Variants in PCSK5 observed in about 807,000 individuals in gnomAD.
PCSK5 encodes prohormone convertase 5.
Under a neutral mutation model 233.2 loss-of-function variants are expected in PCSK5, and 129 were observed. The ratio of observed to expected loss-of-function variants is 0.55; its 90% CI spans 0.48 to 0.64. The LOEUF (loss-of-function observed/expected upper bound fraction) is 0.64, where lower values mean the gene tolerates loss of function less well. PCSK5 is among the 30% of genes least tolerant of loss of function. The pLI is 0.00. For synonymous variants in PCSK5, 825 were observed against 879.2 expected, an observed-to-expected ratio of 0.94 and a Z score of 1.09; for missense variants, 2,076 against 2,430.1, an observed-to-expected ratio of 0.85 and a Z score of 3.06.
rs117150323 is a variant in PCSK5, at chr9:76,283,992, C to A, written c.3143-8241C>A. Among the ~76,000 whole-genome samples, 6 of 152,200 alleles carry A rather than the reference C, an allele frequency of 3.9e-5. No homozygotes were observed. In the South Asian group the frequency reaches 6.2e-4, roughly 16 times the overall value. On this transcript the variant is annotated intron_variant, in intron 24 of 37. Transcript: ENST00000674117. Reference sequence around the variant, plus strand: ...TCTTCTGGTTACAATCTTAAGGAACCAAACTCAACATGTTTTGACAAGGTT... The same window carrying A: ...TCTTCTGGTTACAATCTTAAGGAACAAAACTCAACATGTTTTGACAAGGTT...
chr9:76,095,206 TG>T (rs1305112159), intron 7 of PCSK5, among the ~76,000 whole-genome samples: 1 of 152,212 alleles, frequency 6.6e-6, no homozygotes, highest in Non-Finnish European at 1.5e-5. Context: ...CAGTAATTAG[TG>T]TCTACACCAC....
rs201921365 is a variant in PCSK5, at chr9:76,120,553, ATTTG to A, written c.1208+13210_1208+13213del. Among the ~76,000 whole-genome samples the A allele has an allele frequency of 7.9e-5, 12 of 151,984 alleles. No homozygotes were observed. In the East Asian group the frequency reaches 1.9e-3, roughly 24 times the overall value. On this transcript the variant is annotated intron_variant, in intron 9 of 37. Transcript: ENST00000674117. ...AGACTTATTTTTTGGAGTAGCAAGTATTTGTTTGTTTTGCTATTACCATTATGTC... is the reference window on the plus strand; with the variant it reads ...AGACTTATTTTTTGGAGTAGCAAGTATTTGTTTTGCTATTACCATTATGTC...
Position 76,189,642 on chromosome 9 carries a change from G to GTTGT in PCSK5, c.2526_2529dup (p.Thr844PhefsTer16). On this transcript the variant is annotated frameshift_variant, in exon 20 of 38. Coordinates refer to ENST00000674117, the MANE Select transcript of PCSK5 (RefSeq NM_001372043.1). LOFTEE classifies it high-confidence loss of function. ...CATTTTTCTCATAGATGTGATATCA[G>GTTGT]TTGTTTGACGTGCAATGGCCCAGGA... The GTTGT allele has an allele frequency of 1.2e-6, 2 of 1,607,940 alleles. No individual in the cohort carries two copies. Among genetic ancestry groups the GTTGT allele is most frequent in the Non-Finnish European group, 1.7e-6 (2 of 1,174,488 alleles).
intron 8 of PCSK5, among the ~76,000 whole-genome samples, chr9:76,106,152 G>A (rs1473643363): frequency 6.6e-6 from 1 of 152,138 alleles, no homozygotes; most frequent in Non-Finnish European, 1.5e-5. Flanking sequence ...TTTCATGACC[G>A]TTTTCCTATC....
chr9:76,086,535 C>T (rs4113091), intron 7 of PCSK5, among the ~76,000 whole-genome samples: 2,080 of 152,126 alleles, frequency 0.014, 16 homozygotes, highest in Non-Finnish European at 0.022. Context: ...GAATTGACAT[C>T]GAGGGACTAT....
intron 2 of PCSK5, among the ~76,000 whole-genome samples, chr9:75,957,800 G>C (rs147670152): frequency 1.6e-4 from 25 of 152,236 alleles, no homozygotes; most frequent in Non-Finnish European, 2.2e-4. Flanking sequence ...TGTTAGTCAA[G>C]AAGAAAAAAT....
chr9:76,163,914 T>G (rs1366499793), intron 12 of PCSK5, among the ~76,000 whole-genome samples: 1 of 150,346 alleles, frequency 6.7e-6, no homozygotes, highest in Non-Finnish European at 1.5e-5. Context: ...AGATTTAGCT[T>G]AGATGTACTG....
intron 2 of PCSK5, among the ~76,000 whole-genome samples, chr9:75,978,698 T>C (rs1210077296): frequency 6.6e-6 from 1 of 152,280 alleles, no homozygotes; most frequent in Non-Finnish European, 1.5e-5. Flanking sequence ...TTAAATTGTT[T>C]AGCAAGATTC....
chr9:75,905,213 T>C (rs1826209782), intron 1 of PCSK5, among the ~76,000 whole-genome samples: 1 of 152,132 alleles, frequency 6.6e-6, no homozygotes, highest in Non-Finnish European at 1.5e-5. Flanking sequence ...TGAAATGTTC[T>C]AAAATAGATT....
chr9:75,956,045 C>G (rs1387368981), intron 2 of PCSK5, among the ~76,000 whole-genome samples: 1 of 152,212 alleles, frequency 6.6e-6, no homozygotes, highest in Non-Finnish European at 1.5e-5. Flanking sequence ...AGGCTGTACT[C>G]TTGTAACCAC....
Position 76,310,733 on chromosome 9 carries a change from G to A in PCSK5, c.3766G>A (p.Glu1256Lys), listed in dbSNP as rs763087625. 2.9e-5 allele frequency: 47 copies of A among 1,612,242 alleles called. No homozygotes were observed. The highest frequency in any genetic ancestry group is 2.7e-4 in the African/African-American group (20 of 75,006). The change falls in exon 30 of 38, where the codon GAG (glutamate) becomes AAG (lysine). Residue 1256 changes from glutamate to lysine, a missense_variant. Glu to Lys is a moderately conservative substitution (Grantham distance 56). Transcript: ENST00000674117. The stretch of plus-strand genomic sequence containing the variant: ...GCCTTCCGTAAGGAGTGGGAGCTGC[G>A]AGAACTGTACGGAGGCCTGTGCCAT... ...TWPSVRSGSC[E>K]NCTEACAICS...
At chr9:76,199,271 T>C (rs77376110) in intron 20 of PCSK5, among the ~76,000 whole-genome samples, 245 of 152,334 alleles carry the variant, frequency 1.6e-3, no homozygotes, top group African/African-American at 5.7e-3. Flanking sequence ...GTTACCGTAC[T>C]GAATACTGCA....
intron 27 of PCSK5, among the ~76,000 whole-genome samples, chr9:76,299,612 C>A (rs1252533464): frequency 6.6e-6 from 1 of 152,158 alleles, no homozygotes; most frequent in Non-Finnish European, 1.5e-5. Flanking sequence ...GCAGAGGTTG[C>A]AGTGAGCTGA....
chr9:76,142,853 C>T lies in PCSK5; in HGVS notation c.1312+8641C>T, dbSNP rs1026238641. ...TTCTCTTCTTTGTAGTCTGTTTTCTCTAATTTGGGCTATTGTTTTCATTTC... is the reference window on the plus strand; with the variant it reads ...TTCTCTTCTTTGTAGTCTGTTTTCTTTAATTTGGGCTATTGTTTTCATTTC... On this transcript the variant is annotated intron_variant, in intron 10 of 37. Transcript: ENST00000674117. Among the ~76,000 whole-genome samples the T allele has an allele frequency of 3.3e-5, 5 of 152,222 alleles. No individual in the cohort carries two copies. In the East Asian group the frequency reaches 5.8e-4, roughly 18 times the overall value.
chr9:75,900,219 C>G (rs1825967747), intron 1 of PCSK5, among the ~76,000 whole-genome samples: 2 of 152,104 alleles, frequency 1.3e-5, no homozygotes, highest in African/African-American at 4.8e-5. Flanking sequence ...CTGGAGGACC[C>G]TAGATAAGTG....
At chr9:76,133,626 A>C (rs1433804201) in intron 9 of PCSK5, among the ~76,000 whole-genome samples, 1 of 151,998 alleles carries the variant, frequency 6.6e-6, no homozygotes, top group Non-Finnish European at 1.5e-5. Context: ...CATATCCCAC[A>C]TATATATGCA....
chr9:76,174,284 A>G (rs768241635), intron 13 of PCSK5, among the ~76,000 whole-genome samples: 101 of 152,078 alleles, frequency 6.6e-4, no homozygotes, highest in East Asian at 3.9e-4. Flanking sequence ...CTACTTATTA[A>G]CAAGTCAGAT....
intron 2 of PCSK5, among the ~76,000 whole-genome samples, chr9:75,956,240 T>G (rs930388023): frequency 6.6e-6 from 1 of 152,252 alleles, no homozygotes; most frequent in African/African-American, 2.4e-5. Flanking sequence ...CATGAGCACG[T>G]ACTCTGTCTC....
chr9:76,291,372 T>C (rs1311697921), intron 24 of PCSK5, among the ~76,000 whole-genome samples: 1 of 152,204 alleles, frequency 6.6e-6, no homozygotes, highest in East Asian at 1.9e-4. Flanking sequence ...AATTTTCACA[T>C]ACCAAGAGGA....
Sources: allele counts gnomAD v4.1 joint callset (sites outside exome capture counted in the v4.1 genomes callset), GRCh38; gene constraint gnomAD v4.1.1; transcripts MANE v1.5; gene names NCBI Gene and HGNC (gene_info 2026-07-23, HGNC 2026-07-21).